FGF13: variants seen among roughly 807,000 people sequenced by gnomAD.
The protein encoded by FGF13 is fibroblast growth factor 13, also known as fibroblast growth factor homologous factor 2.
Under a neutral mutation model 19.5 loss-of-function variants are expected in FGF13, and 2 were observed. That is an observed-to-expected ratio of 0.10 (90% confidence interval 0.04 to 0.32). The LOEUF is 0.32. Among genes scored for constraint, FGF13 ranks in the 10% least tolerant of loss-of-function variants. The pLI, the probability that FGF13 is intolerant of heterozygous loss-of-function variation, is 1.00. For missense variants in FGF13, 113 were observed against 192.7 expected (o/e 0.59, Z 2.45); for synonymous variants, 72 against 76.9 (o/e 0.94, Z 0.33).
chrX:138,920,934 G>C (rs1159615478), intron 1 of FGF13, among the ~76,000 whole-genome samples: 1 of 111,684 alleles, frequency 9.0e-6, no homozygotes, highest in Non-Finnish European at 1.9e-5. Flanking sequence ...TCTCTTAAGA[G>C]CATGGATTTT....
At chrX:138,823,281 C>T (rs903511637) in intron 3 of FGF13, among the ~76,000 whole-genome samples, 2 of 111,200 alleles carry the variant, frequency 1.8e-5, no homozygotes, top group East Asian at 2.8e-4. Context: ...GAGACTCCAG[C>T]CCGCCTGCGC....
chrX:139,120,262 AGACT>A (rs2124471270), intron 1 of FGF13, among the ~76,000 whole-genome samples: 1 of 112,469 alleles, frequency 8.9e-6, no homozygotes, highest in South Asian at 3.7e-4. Context: ...AGTGTGAAAC[AGACT>A]AATAACAACT....
chrX:138,759,611 T>C (rs1235687614), intron 3 of FGF13, among the ~76,000 whole-genome samples: 1 of 112,055 alleles, frequency 8.9e-6, no homozygotes, highest in East Asian at 2.8e-4. Context: ...CCTTACTCTG[T>C]AGCTGAAGTC....
At chrX:138,996,382 T>C (rs1254828233) in intron 1 of FGF13, among the ~76,000 whole-genome samples, 2 of 112,819 alleles carry the variant, frequency 1.8e-5, no homozygotes, top group East Asian at 5.6e-4. Context: ...TTCCCTCCAG[T>C]GCCTGGCTCG....
At chrX:139,017,016 G>T (rs1398607629) in intron 1 of FGF13, among the ~76,000 whole-genome samples, 2 of 108,553 alleles carry the variant, frequency 1.8e-5, no homozygotes, top group Non-Finnish European at 3.8e-5. Flanking sequence ...TCCTTCAAAT[G>T]ACTTAAATAA....
At chrX:138,985,131 G>C (rs1412723749) in intron 1 of FGF13, 3 of 342,309 alleles carry the variant, frequency 8.8e-6, no homozygotes, top group Non-Finnish European at 1.8e-5. Flanking sequence ...TCCTCCATTA[G>C]GCCTATGTGG....
intron 1 of FGF13, among the ~76,000 whole-genome samples, chrX:138,960,429 C>A (rs751179853): frequency 8.9e-6 from 1 of 111,809 alleles, no homozygotes; most frequent in Non-Finnish European, 1.9e-5. Flanking sequence ...GGTAACCCAA[C>A]CTTTCTCTCT....
intron 1 of FGF13, among the ~76,000 whole-genome samples, chrX:139,121,907 C>T (rs1357911735): frequency 9.0e-6 from 1 of 110,918 alleles, no homozygotes; most frequent in African/African-American, 3.3e-5. Flanking sequence ...TGCAGGAAGA[C>T]ACGGGTAAGG....
chrX:138,812,348 G>C (rs2090932459), intron 3 of FGF13, among the ~76,000 whole-genome samples: 1 of 111,801 alleles, frequency 8.9e-6, no homozygotes, highest in Non-Finnish European at 1.9e-5. Context: ...TATTAACAAT[G>C]GTGCTATGAA....
At chrX:139,166,998 C>T (rs183985253) in intron 1 of FGF13, among the ~76,000 whole-genome samples, 2 of 111,781 alleles carry the variant, frequency 1.8e-5, no homozygotes, top group African/African-American at 6.5e-5. Flanking sequence ...CCAAACTCAT[C>T]GTCCTCTTTT....
chrX:138,939,337 C>A (rs1042311395), intron 1 of FGF13, among the ~76,000 whole-genome samples: 1 of 112,186 alleles, frequency 8.9e-6, no homozygotes, highest in Non-Finnish European at 1.9e-5. Flanking sequence ...AAAACTAAGA[C>A]AACACAAATA....
chrX:138,823,792 G>A (rs1162877577), intron 3 of FGF13, among the ~76,000 whole-genome samples: 1 of 111,989 alleles, frequency 8.9e-6, no homozygotes, highest in African/African-American at 3.2e-5. Context: ...GACATGCACT[G>A]TTTCATCGGA....
rs966235011 is a variant in FGF13 at position 138,875,999 on chromosome X, C to T, written c.-112-11349G>A. Among the ~76,000 whole-genome samples, 11 of 100,488 alleles carry T rather than the reference C, an allele frequency of 1.1e-4. No homozygotes were observed. The South Asian group carries it at 4.3e-3, about 39-fold the overall frequency. The allele number at this position is 100,488 out of a possible 115,157, so 87.3% of individuals were successfully genotyped here. A position where few individuals can be genotyped will look rare whatever the true frequency, so the allele number is the denominator to read the frequency against. On this transcript the variant is annotated intron_variant, in intron 1 of 2. Coordinates refer to the FGF13 transcript ENST00000421460. ...TATTATCTCCCTATCGGCTTGTACACACACACACACACACACACACACACA... is the reference window on the plus strand; with the variant it reads ...TATTATCTCCCTATCGGCTTGTACATACACACACACACACACACACACACA...
At chrX:138,873,566 G>A (rs1467793674) in intron 1 of FGF13, among the ~76,000 whole-genome samples, 1 of 111,695 alleles carries the variant, frequency 9.0e-6, no homozygotes, top group African/African-American at 3.3e-5. Context: ...CTGGGAGGCA[G>A]CACAAGCTTC....
At chrX:139,119,997 G>A (rs1217175153) in intron 1 of FGF13, among the ~76,000 whole-genome samples, 1 of 111,833 alleles carries the variant, frequency 8.9e-6, no homozygotes, top group Non-Finnish European at 1.9e-5. Flanking sequence ...ATCGGATCAT[G>A]GGGGCAGTTT....
At chrX:138,929,196 G>A (rs1373783813) in intron 1 of FGF13, among the ~76,000 whole-genome samples, 1 of 109,542 alleles carries the variant, frequency 9.1e-6, no homozygotes, top group Non-Finnish European at 1.9e-5. Flanking sequence ...AGTGGAAGCT[G>A]ATGTGACTAC....
intron 1 of FGF13, among the ~76,000 whole-genome samples, chrX:139,053,344 T>G (rs2092308875): frequency 9.0e-6 from 1 of 110,871 alleles, no homozygotes. Context: ...CCATAGTGGC[T>G]GTACTAGTTT....
At chrX:138,790,361 G>T (rs1022939333) in intron 3 of FGF13, among the ~76,000 whole-genome samples, 1 of 110,050 alleles carries the variant, frequency 9.1e-6, no homozygotes, top group African/African-American at 3.3e-5. Context: ...CATCACATTG[G>T]GATTAGAGTT....
chrX:138,851,028 T>C (rs1055621230), intron 3 of FGF13, among the ~76,000 whole-genome samples: 1 of 111,637 alleles, frequency 9.0e-6, no homozygotes, highest in African/African-American at 3.3e-5. Context: ...CTGAGGATAA[T>C]GGCCTCTGGA....
Sources: allele counts gnomAD v4.1 joint callset (sites outside exome capture counted in the v4.1 genomes callset), GRCh38; gene constraint gnomAD v4.1.1; transcripts MANE v1.5; gene names NCBI Gene and HGNC (gene_info 2026-07-23, HGNC 2026-07-21).